CNNM2: variants seen among roughly 807,000 people sequenced by gnomAD.
CNNM2 encodes the protein metal transporter CNNM2.
In CNNM2, 12 loss-of-function variants were observed where a neutral mutation model predicts 66.9. The ratio of observed to expected loss-of-function variants is 0.18; its 90% CI spans 0.11 to 0.29. The LOEUF is 0.29. Ranked by LOEUF, CNNM2 falls within the 10% of genes least tolerant of loss-of-function variation. CNNM2 has a pLI of 1.00. For synonymous variants in CNNM2, 557 were observed against 501.8 expected (o/e 1.11, Z -1.47); for missense variants, 705 against 1,167.7 (o/e 0.60, Z 5.77).
rs1846831821 is a variant in CNNM2, at chr10:102,951,479, G to A, written c.1621+31378G>A. Reference sequence around the variant, plus strand: ...CCCAAAGTGCTGGGATTATGGGGATGAGCCACCATGCCTGGCTGAAAGTAT... The same window carrying A: ...CCCAAAGTGCTGGGATTATGGGGATAAGCCACCATGCCTGGCTGAAAGTAT... On this transcript the variant is annotated intron_variant, in intron 1 of 7. Coordinates refer to ENST00000369878, the MANE Select transcript of CNNM2 (RefSeq NM_017649.5). Among the ~76,000 whole-genome samples the A allele has an allele frequency of 3.3e-5, 5 of 152,242 alleles. No homozygotes were observed. In the South Asian group the frequency reaches 1.0e-3, roughly 32 times the overall value.
At chr10:103,001,330 A>T (rs961192524) in intron 1 of CNNM2, among the ~76,000 whole-genome samples, 7 of 152,190 alleles carry the variant, frequency 4.6e-5, no homozygotes, top group African/African-American at 1.7e-4. Context: ...AAAATGGTAA[A>T]TCTTATGTAT....
intron 5 of CNNM2, among the ~76,000 whole-genome samples, chr10:103,069,677 T>C (rs2065540832): frequency 6.6e-6 from 1 of 152,214 alleles, no homozygotes; most frequent in Non-Finnish European, 1.5e-5. Context: ...TGAACACAGA[T>C]AGATACCTGG....
In CNNM2 at chr10:102,973,827, C is replaced by T. The variant is rs189086500; in HGVS notation, c.1621+53726C>T. Among the ~76,000 whole-genome samples, 19 of 84,692 alleles carry T rather than the reference C, an allele frequency of 2.2e-4. No homozygotes were observed. In the South Asian group the frequency reaches 3.7e-3, roughly 16 times the overall value. 55.6% of individuals were successfully genotyped at this position (84,692 alleles called of 152,430 possible). On this transcript the variant is annotated intron_variant, in intron 1 of 7. Transcript: ENST00000369878. ...ATCTTTTCATGTATTCCCCCCCCCCCTTTTTTAAAACAACATCATCTTGTA... is the reference window on the plus strand; with the variant it reads ...ATCTTTTCATGTATTCCCCCCCCCCTTTTTTTAAAACAACATCATCTTGTA...
intron 1 of CNNM2, among the ~76,000 whole-genome samples, chr10:102,938,534 T>C (rs1846320900): frequency 6.7e-6 from 1 of 148,286 alleles, no homozygotes; most frequent in Non-Finnish European, 1.5e-5. Flanking sequence ...GTAGGGGGAT[T>C]GCTTGAGCCT....
chr10:102,966,196 A>C (rs1262294814), intron 1 of CNNM2, among the ~76,000 whole-genome samples: 1 of 148,130 alleles, frequency 6.8e-6, no homozygotes, highest in Non-Finnish European at 1.5e-5. Flanking sequence ...GAATAAATAA[A>C]CTGGAATAAA....
At position 102,918,738 on chromosome 10, in the gene CNNM2, G is replaced by A. The variant is rs770856826; in HGVS notation, c.258G>A (p.Ser86=). 59 of 1,584,136 alleles carry A rather than the reference G, an allele frequency of 3.7e-5. No individual in the cohort carries two copies. Among genetic ancestry groups the A allele is most frequent in the Middle Eastern group, 1.7e-4 (1 of 6,044 alleles). Residue 86 remains serine (S), a synonymous_variant, in exon 1 of 8, where the codon TCG becomes TCA. Coordinates refer to ENST00000369878, the MANE Select transcript of CNNM2 (RefSeq NM_017649.5). This position sits in a 1 kb window ranked among gnomAD's most constrained non-coding sequence, Gnocchi z 4.1. The stretch of plus-strand genomic sequence containing the variant: ...GACTGGAGGACACGAACGACGTGTC[G>A]TTCATGGAAGGGGGGGCGCTGCGGG... ...GLRLEDTNDV[S]FMEGGALRVS...
In CNNM2 at chr10:103,084,800, G is replaced by C. The variant is rs181088246; in HGVS notation, c.*7620G>C. ...CTGAGGAAACAAATATTGATCAGAGGGTCTTGTAGAGAAAGTGGTTAAAAA... is the reference window on the plus strand; with the variant it reads ...CTGAGGAAACAAATATTGATCAGAGCGTCTTGTAGAGAAAGTGGTTAAAAA... On this transcript the variant is annotated 3_prime_UTR_variant, in exon 8 of 8. Transcript: ENST00000369878. 6.6e-6 allele frequency: 1 copy of C among 152,154 alleles called. No homozygotes were observed. The highest frequency in any genetic ancestry group is 1.9e-4 in the East Asian group (1 of 5,182). The allele number at this position is 152,154 out of a possible 1,614,324, so 9.4% of individuals were successfully genotyped here. A position where few individuals can be genotyped will look rare whatever the true frequency, so the allele number is the denominator to read the frequency against.
At chr10:102,941,621 G>A (rs1457466221) in intron 1 of CNNM2, among the ~76,000 whole-genome samples, 1 of 152,134 alleles carries the variant, frequency 6.6e-6, no homozygotes, top group Non-Finnish European at 1.5e-5. Context: ...TCCCTGGAAT[G>A]TCCTTTCGCC....
In CNNM2 at chr10:103,077,554, C is replaced by CT. The variant is rs2065711802; in HGVS notation, c.*378dup. ...TCAAGAGATCATGTTTTTAAAGTGT[C>CT]TTTTGCAGAGTTTTAAGTTGTTCTG... is the stretch of plus-strand genomic sequence containing the variant. On this transcript the variant is annotated 3_prime_UTR_variant, in exon 8 of 8. Transcript: ENST00000369878. The CT allele has an allele frequency of 4.2e-6, 1 of 237,398 alleles. No homozygotes were observed. Among genetic ancestry groups the CT allele is most frequent in the African/African-American group, 2.2e-5 (1 of 44,746 alleles). 14.7% of individuals were successfully genotyped at this position (237,398 alleles called of 1,614,324 possible). A position where few individuals can be genotyped will look rare whatever the true frequency, so the allele number is the denominator to read the frequency against.
At chr10:103,042,380 C>T (rs2065057394) in intron 1 of CNNM2, among the ~76,000 whole-genome samples, 1 of 152,184 alleles carries the variant, frequency 6.6e-6, no homozygotes, top group South Asian at 2.1e-4. Context: ...CCAGGCCTTT[C>T]CCTGGCCATC....
Position 103,054,235 on chromosome 10 carries a change from C to A in CNNM2, c.1766-94C>A. On this transcript the variant is annotated intron_variant, in intron 2 of 7. Transcript: ENST00000369878. This position sits in a 1 kb window ranked among gnomAD's most constrained non-coding sequence, Gnocchi z 5.2. ...GCCTGCATCTGGAAATACAGTCCAG[C>A]TCTTCCAATATATTTTGTCTTTTTC... 1 of 1,386,688 alleles carries A rather than the reference C, an allele frequency of 7.2e-7. No individual in the cohort carries two copies. The highest frequency in any genetic ancestry group is 9.9e-7 in the Non-Finnish European group (1 of 1,012,248). 85.9% of individuals were successfully genotyped at this position (1,386,688 alleles called of 1,614,324 possible).
rs2065890517 is a variant in CNNM2 at position 103,088,012 on chromosome 10, A to G, written c.*10832A>G. 1 of 152,254 alleles carries G rather than the reference A, an allele frequency of 6.6e-6. No individual in the cohort carries two copies. The highest frequency in any genetic ancestry group is 2.4e-5 in the African/African-American group (1 of 41,470). 9.4% of individuals were successfully genotyped at this position (152,254 alleles called of 1,614,324 possible). A position where few individuals can be genotyped will look rare whatever the true frequency, so the allele number is the denominator to read the frequency against. On this transcript the variant is annotated 3_prime_UTR_variant, in exon 8 of 8. Transcript: ENST00000369878. ...AAAAAATTGAGGCCTATGTAACACC[A>G]TGAATATAATCATGTTAGAACATAA...
intron 1 of CNNM2, among the ~76,000 whole-genome samples, chr10:103,011,176 C>A (rs1460337072): frequency 6.6e-6 from 1 of 152,088 alleles, no homozygotes; most frequent in African/African-American, 2.4e-5. Flanking sequence ...GCATTCCGGC[C>A]GGGCACAGTG....
At chr10:103,052,034 T>C (rs1056297600) in intron 2 of CNNM2, among the ~76,000 whole-genome samples, 8 of 151,994 alleles carry the variant, frequency 5.3e-5, no homozygotes, top group Non-Finnish European at 8.8e-5. Flanking sequence ...CCCAGCACTT[T>C]GGGAGGGCGA....
At position 103,088,267 on chromosome 10, in the gene CNNM2, C is replaced by CTGT. The variant is rs1437671352; in HGVS notation, c.*11089_*11091dup. 2 of 152,238 alleles carry CTGT rather than the reference C, an allele frequency of 1.3e-5. No individual in the cohort carries two copies. Among genetic ancestry groups the CTGT allele is most frequent in the African/African-American group, 4.8e-5 (2 of 41,470 alleles). The allele number at this position is 152,238 out of a possible 1,614,324, so 9.4% of individuals were successfully genotyped here. A position where few individuals can be genotyped will look rare whatever the true frequency, so the allele number is the denominator to read the frequency against. On this transcript the variant is annotated 3_prime_UTR_variant, in exon 8 of 8. Coordinates refer to ENST00000369878, the MANE Select transcript of CNNM2 (RefSeq NM_017649.5). Reference sequence around the variant, plus strand: ...TGGTTAAAGAAAGAGTCTATAACCACTGTTTGTTTAAAATGTTGAAACAAC... The same window carrying CTGT: ...TGGTTAAAGAAAGAGTCTATAACCACTGTTGTTTGTTTAAAATGTTGAAACAAC...
rs1183901729 is a variant in CNNM2, at chr10:103,054,434, T to A, written c.1871T>A (p.Leu624His). ...SEMKVKISPQ[L>H]LLAMHRFLAT... ...ATGAAGGTTAAAATATCACCACAGCTCCTCCTGGCCATGCACCGTTTCCTA... is the reference window on the plus strand; with the variant it reads ...ATGAAGGTTAAAATATCACCACAGCACCTCCTGGCCATGCACCGTTTCCTA... Residue 624 changes from leucine (L) to histidine (H), a missense_variant, in exon 3 of 8, where the codon CTC becomes CAC. Transcript: ENST00000369878. The surrounding 1 kb of genome is among the most constrained non-coding windows in gnomAD (Gnocchi z 5.2). 1.2e-6 allele frequency: 2 copies of A among 1,613,780 alleles called. No individual in the cohort carries two copies. The highest frequency in any genetic ancestry group is 1.7e-6 in the Non-Finnish European group (2 of 1,179,852).
chr10:102,956,619 A>G (rs1477919605), intron 1 of CNNM2, among the ~76,000 whole-genome samples: 1 of 152,202 alleles, frequency 6.6e-6, no homozygotes, highest in Non-Finnish European at 1.5e-5. Flanking sequence ...GCACATATAC[A>G]CCATCGAATA....
intron 1 of CNNM2, among the ~76,000 whole-genome samples, chr10:102,940,077 A>G (rs1381137977): frequency 2.0e-5 from 3 of 152,104 alleles, no homozygotes; most frequent in Non-Finnish European, 4.4e-5. Flanking sequence ...CTTGAAGTAC[A>G]TATGAATTTA....
intron 1 of CNNM2, among the ~76,000 whole-genome samples, chr10:103,018,164 C>T (rs1028431250): frequency 6.6e-6 from 1 of 151,858 alleles, no homozygotes; most frequent in Admixed American, 6.6e-5. Context: ...ACAAAGAGAT[C>T]AGTAAGCTGT....
Sources: gnomAD v4.1 joint callset for allele counts (sites outside exome capture counted in the v4.1 genomes callset) on GRCh38, gnomAD v4.1.1 for gene constraint, Gnocchi (gnomAD v3.1) non-coding constraint, MANE v1.5 for transcripts, NCBI Gene and HGNC (gene_info 2026-07-23, HGNC 2026-07-21) for gene names.